Variants in SPPL2B observed in about 807,000 individuals in gnomAD.
SPPL2B encodes the protein signal peptide peptidase-like 2B.
SPPL2B carries 39 observed loss-of-function variants against 59.7 expected under a neutral mutation model. That is an observed-to-expected ratio of 0.65 (90% CI 0.51 to 0.85). The LOEUF (loss-of-function observed/expected upper bound fraction) is 0.85, where lower values mean the gene tolerates loss of function less well. Among genes scored for constraint, SPPL2B ranks in the 40% least tolerant of loss-of-function variants. The pLI is 0.00. For missense variants in SPPL2B, 865 were observed against 849.0 expected (o/e 1.02, Z -0.23); for synonymous variants, 419 against 370.8 (o/e 1.13, Z -1.49).
chr19:2,338,493 C>T, intron 3 of SPPL2B: 2 of 437,424 alleles, frequency 4.6e-6, no homozygotes, highest in South Asian at 3.0e-5. Flanking sequence ...AGTCCCACGG[C>T]CGAGGGAGGG....
At chr19:2,338,504 A>C in intron 3 of SPPL2B, 4 of 460,530 alleles carry the variant, frequency 8.7e-6, no homozygotes, top group Non-Finnish European at 1.6e-5. Flanking sequence ...CGAGGGAGGG[A>C]TTAGTGGCGC....
chr19:2,340,785 A>G (rs1968981989), intron 7 of SPPL2B, 113 bp from the exon 8 acceptor site: 1 of 632,354 alleles, frequency 1.6e-6, no homozygotes, highest in Non-Finnish European at 2.8e-6. Flanking sequence ...TGAGGACAAC[A>G]GAGTGGGGGC....
chr19:2,336,858 C>G (rs796763030), intron 2 of SPPL2B, among the ~76,000 whole-genome samples: 4 of 138,232 alleles, frequency 2.9e-5, no homozygotes, highest in African/African-American at 1.1e-4. Context: ...TGCACTCCAG[C>G]CTGGCTGTGG....
At chr19:2,334,200 C>T (rs561291994) in intron 1 of SPPL2B, among the ~76,000 whole-genome samples, 3 of 152,278 alleles carry the variant, frequency 2.0e-5, no homozygotes, top group African/African-American at 4.8e-5. Context: ...GGGCCAGGTC[C>T]GCTGGGGCCC....
At chr19:2,328,796 G>A (rs1040087284) in intron 1 of SPPL2B, 21 bp downstream of exon 1, 1 of 1,370,494 alleles carries the variant, frequency 7.3e-7, no homozygotes, top group African/African-American at 1.5e-5. Flanking sequence ...CACCGGTCCC[G>A]ACGGCACCGC....
At chr19:2,348,145 G>A (rs1429363573) in intron 13 of SPPL2B, among the ~76,000 whole-genome samples, 1 of 66,128 alleles carries the variant, frequency 1.5e-5, no homozygotes, top group Non-Finnish European at 2.6e-5. Context: ...GCTCTCATTC[G>A]CTTGATTCCG....
Position 2,337,605 on chromosome 19 carries a change from A to C in SPPL2B, c.349A>C (p.Ile117Leu). The C allele has an allele frequency of 1.3e-6, 2 of 1,588,678 alleles. No homozygotes were observed. Among genetic ancestry groups the C allele is most frequent in the South Asian group, 2.2e-5 (2 of 89,496 alleles). The stretch of plus-strand genomic sequence containing the variant: ...GGGCAGCGGAGCACGCGGGCTGCTC[A>C]TCGTCAGCAGGGAGAGGCTGGTACG... ...AQGSGARGLL[I>L]VSRERLVPPG... The change falls in exon 3 of 15, where the codon ATC (isoleucine) becomes CTC (leucine). Residue 117 changes from isoleucine (I) to leucine (L), a missense_variant. By Grantham distance (5) the Ile-to-Leu change is conservative. Coordinates refer to ENST00000613503, the MANE Select transcript of SPPL2B (RefSeq NM_152988.3).
chr19:2,334,566 C>G, intron 1 of SPPL2B, 36 bp from the exon 2 acceptor site: 1 of 1,591,474 alleles, frequency 6.3e-7, no homozygotes, highest in Non-Finnish European at 8.5e-7. Context: ...CCGCACGTCC[C>G]GTGCTGTGGC....
Position 2,341,968 on chromosome 19 carries a change from A to C in SPPL2B, c.956+954A>C, listed in dbSNP as rs1025758826. 3.0e-5 allele frequency: 6 copies of C among 201,380 alleles called. No homozygotes were observed. The East Asian group carries it at 9.0e-4, about 30-fold the overall frequency. The allele number at this position is 201,380 out of a possible 1,614,324, so 12.5% of individuals were successfully genotyped here. On this transcript the variant is annotated intron_variant, in intron 8 of 14. Coordinates refer to ENST00000613503, the MANE Select transcript of SPPL2B (RefSeq NM_152988.3). The stretch of plus-strand genomic sequence containing the variant: ...AAAATCAGAAAAAATAACTGGCCGC[A>C]GTTCTCTGGGTGCTTGAAGTACGTG...
intron 2 of SPPL2B, 45 bp from the exon 3 acceptor site, chr19:2,337,398 G>T: frequency 1.3e-6 from 2 of 1,518,978 alleles, no homozygotes; most frequent in Non-Finnish European, 1.8e-6. Context: ...GGCCCTCCTG[G>T]TGACTCACAT....
rs922014256 is a variant in SPPL2B at position 2,343,066 on chromosome 19, T to A, written c.957-145T>A. ...CAGGGGTCCTCCCACAGGTCTGGGGTCCTCAGAGTCATCCCCTGGGCAGGT... is the reference window on the plus strand; with the variant it reads ...CAGGGGTCCTCCCACAGGTCTGGGGACCTCAGAGTCATCCCCTGGGCAGGT... On this transcript the variant is annotated intron_variant, in intron 8 of 14. Transcript: ENST00000613503. 3 of 669,178 alleles carry A rather than the reference T, an allele frequency of 4.5e-6. No homozygotes were observed. The African/African-American group carries it at 5.3e-5, about 12-fold the overall frequency. 41.5% of individuals were successfully genotyped at this position (669,178 alleles called of 1,614,324 possible).
At position 2,349,983 on chromosome 19, in the gene SPPL2B, C is replaced by T. The variant is rs373749686; in HGVS notation, c.1355-1451C>T. Among the ~76,000 whole-genome samples the T allele has an allele frequency of 5.1e-4, 75 of 147,322 alleles. 2 individuals are homozygous for T. In the East Asian group the frequency reaches 7.7e-3, roughly 15 times the overall value. On this transcript the variant is annotated intron_variant, in intron 13 of 14. Coordinates refer to ENST00000613503, the MANE Select transcript of SPPL2B (RefSeq NM_152988.3). ...TGTTCTCTCTCTACACACACTCACGCGCTCTCATTTGCTTGATTCCGTTCT... is the reference window on the plus strand; with the variant it reads ...TGTTCTCTCTCTACACACACTCACGTGCTCTCATTTGCTTGATTCCGTTCT...
At chr19:2,350,226 C>T (rs1173472193) in intron 13 of SPPL2B, among the ~76,000 whole-genome samples, 5 of 128,192 alleles carry the variant, frequency 3.9e-5, no homozygotes, top group South Asian at 2.7e-4. Context: ...GGCTTGATTC[C>T]GTTCTCTCTC....
chr19:2,340,944 C>A lies in SPPL2B; in HGVS notation c.886C>A (p.Arg296Ser). The change falls in exon 8 of 15, where the codon CGT becomes AGT. Residue 296 changes from arginine to serine, a missense_variant. Physicochemically the swap from Arg to Ser is moderately radical, Grantham distance 110. Coordinates refer to ENST00000613503, the MANE Select transcript of SPPL2B (RefSeq NM_152988.3). Reference protein sequence around the residue: ...LPYFHKRPQARMLLLALFCVA... With the variant: ...LPYFHKRPQASMLLLALFCVA... The stretch of plus-strand genomic sequence containing the variant: ...CTACTTCCACAAGCGCCCGCAGGCC[C>A]GTATGCTGCTCCTGGCGCTCTTCTG... 5.6e-6 allele frequency: 9 copies of A among 1,603,542 alleles called. No homozygotes were observed. The highest frequency in any genetic ancestry group is 7.6e-6 in the Non-Finnish European group (9 of 1,179,452).
In SPPL2B at chr19:2,336,802, T is replaced by C. The variant is rs1427078239; in HGVS notation, c.187-641T>C. 2.0e-5 allele frequency among the ~76,000 whole-genome samples: 3 copies of C among 147,798 alleles called. No homozygotes were observed. In the East Asian group the frequency reaches 5.9e-4, roughly 29 times the overall value. The stretch of plus-strand genomic sequence containing the variant: ...TCCAGCCTGGCTGTGGGTGTGTGTG[T>C]GTGTGCGCGCTGGCCTGGCTGCGGC... On this transcript the variant is annotated intron_variant, in intron 2 of 14. Transcript: ENST00000613503.
Position 2,344,238 on chromosome 19 carries a change from ACCC to A in SPPL2B, c.1114-120_1114-118del, listed in dbSNP as rs1356598258. 10 of 182,796 alleles carry A rather than the reference ACCC, an allele frequency of 5.5e-5. No individual in the cohort carries two copies. The Admixed American group carries it at 7.3e-4, about 13-fold the overall frequency. 11.3% of individuals were successfully genotyped at this position (182,796 alleles called of 1,614,324 possible). A position where few individuals can be genotyped will look rare whatever the true frequency, so the allele number is the denominator to read the frequency against. On this transcript the variant is annotated intron_variant, in intron 10 of 14. Coordinates refer to ENST00000613503, the MANE Select transcript of SPPL2B (RefSeq NM_152988.3). ...CATCACCCTGCTCCCCTGCCCCATCACCCCCCATCACCCTGCCCCTTGCACCCC... is the reference window on the plus strand; with the variant it reads ...CATCACCCTGCTCCCCTGCCCCATCACCCATCACCCTGCCCCTTGCACCCC...
In SPPL2B at chr19:2,339,841, A is replaced by G. The variant is rs1281409054; in HGVS notation, c.617A>G (p.Lys206Arg). The change falls in exon 6 of 15, where the codon AAG (lysine) becomes AGG (arginine). Residue 206 changes from lysine (K) to arginine (R), a missense_variant. Coordinates refer to ENST00000613503, the MANE Select transcript of SPPL2B (RefSeq NM_152988.3). The stretch of plus-strand genomic sequence containing the variant: ...CTCCCAAGAAGGTACATGAAGCACA[A>G]GCGCGACGATGGGCCCGAGAAGCAG... ...RDVKKRYMKHKRDDGPEKQED... is the reference protein window; with the variant it reads ...RDVKKRYMKHRRDDGPEKQED... 1.2e-6 allele frequency: 2 copies of G among 1,606,912 alleles called. No individual in the cohort carries two copies. The highest frequency in any genetic ancestry group is 1.7e-6 in the Non-Finnish European group (2 of 1,176,926).
intron 7 of SPPL2B, chr19:2,340,466 A>G (rs1220206350): frequency 1.6e-6 from 1 of 613,672 alleles, no homozygotes; most frequent in Non-Finnish European, 3.0e-6. Context: ...TCTCCGGGGA[A>G]CCCAGAAGGT....
chr19:2,338,852 G>A lies in SPPL2B; in HGVS notation c.459+11G>A, dbSNP rs750341564. ...CTGGACATCTTCACGGTAGGTCTGC[G>A]CCGGCTCAGACCCACGCTCCCGAGG... On this transcript the variant is annotated intron_variant, in intron 4 of 14. Coordinates refer to ENST00000613503, the MANE Select transcript of SPPL2B (RefSeq NM_152988.3). The A allele has an allele frequency of 3.7e-6, 6 of 1,611,812 alleles. No individual in the cohort carries two copies. In the South Asian group the frequency reaches 4.4e-5, roughly 12 times the overall value.
Sources: gnomAD v4.1 joint callset for allele counts (sites outside exome capture counted in the v4.1 genomes callset) on GRCh38, gnomAD v4.1.1 for gene constraint, MANE v1.5 for transcripts, NCBI Gene and HGNC (gene_info 2026-07-23, HGNC 2026-07-21) for gene names.